LINGO1: variants seen among roughly 807,000 people sequenced by gnomAD.
LINGO1 encodes leucine-rich repeat and immunoglobulin-like domain-containing nogo receptor-interacting protein 1.
In LINGO1, 11 loss-of-function variants were observed where a neutral mutation model predicts 37.3. The observed-to-expected ratio is 0.29, with a 90% CI of 0.19 to 0.49. The LOEUF (loss-of-function observed/expected upper bound fraction) is 0.49. LINGO1 is among the 20% of genes least tolerant of loss of function. The pLI is 0.99. For missense variants in LINGO1, 585 were observed against 878.2 expected, an observed-to-expected ratio of 0.67 and a Z score of 4.22; for synonymous variants, 387 against 403.0, an observed-to-expected ratio of 0.96 and a Z score of 0.48.
chr15:77,635,074 G>A (rs1160128716), upstream of LINGO1, among the ~76,000 whole-genome samples: 3 of 152,192 alleles, frequency 2.0e-5, no homozygotes, highest in East Asian at 5.8e-4. Flanking sequence ...AGGTGCTACC[G>A]GAGGAAGCTG....
At chr15:77,641,814 A>G in intron 3 of LINGO1, 1 of 455,244 alleles carries the variant, frequency 2.2e-6, no homozygotes. Context: ...TAGCAGCTGG[A>G]CAAACCTGCG....
At chr15:77,646,069 G>GTC (rs1238164456) in intron 3 of LINGO1, among the ~76,000 whole-genome samples, 28 of 152,254 alleles carry the variant, frequency 1.8e-4, no homozygotes, top group African/African-American at 6.8e-4. Context: ...ATAAAAGGGT[G>GTC]GTTGAAGGGG....
chr15:77,660,102 C>T (rs995457541), intron 3 of LINGO1: 1 of 152,248 alleles, frequency 6.6e-6, no homozygotes, highest in Non-Finnish European at 1.5e-5. Context: ...CTTCTCCTCT[C>T]TGAGCCTCGA....
intron 1 of LINGO1, among the ~76,000 whole-genome samples, chr15:77,779,365 T>C (rs141676304): frequency 0.012 from 1,868 of 152,280 alleles, 39 homozygotes; most frequent in African/African-American, 0.043. Flanking sequence ...TTTGGGATGA[T>C]TCAAGTGCAT....
upstream of LINGO1, among the ~76,000 whole-genome samples, chr15:77,634,097 C>G (rs532073332): frequency 7.3e-4 from 111 of 152,316 alleles, no homozygotes; most frequent in African/African-American, 2.4e-3. Context: ...AGCCCAAAGC[C>G]TCTCGGATTC....
intron 1 of LINGO1, among the ~76,000 whole-genome samples, chr15:77,627,774 T>G (rs971155143): frequency 6.6e-6 from 1 of 152,168 alleles, no homozygotes; most frequent in Non-Finnish European, 1.5e-5. Context: ...TGCAGGGACT[T>G]AAGCCCTTCT....
intron 1 of LINGO1, among the ~76,000 whole-genome samples, chr15:77,782,799 C>A (rs956569298): frequency 5.9e-5 from 9 of 152,084 alleles, no homozygotes; most frequent in Non-Finnish European, 4.4e-5. Context: ...AGGGTCCCTG[C>A]TCTCCCTGCC....
intron 1 of LINGO1, among the ~76,000 whole-genome samples, chr15:77,692,872 C>G (rs938531482): frequency 6.6e-6 from 1 of 152,250 alleles, no homozygotes; most frequent in Non-Finnish European, 1.5e-5. Context: ...CCCCATTCCA[C>G]AGGTGGAGCA....
intron 2 of LINGO1, among the ~76,000 whole-genome samples, chr15:77,792,185 C>G (rs1488333688): frequency 6.6e-6 from 1 of 152,240 alleles, no homozygotes; most frequent in African/African-American, 2.4e-5. Context: ...TGTTCCTCGG[C>G]TCGGGCCAAG....
At chr15:77,649,531 AG>A (rs1292851304) in intron 3 of LINGO1, among the ~76,000 whole-genome samples, 1 of 152,196 alleles carries the variant, frequency 6.6e-6, no homozygotes, top group Admixed American at 6.5e-5. Context: ...GCAAAGATTC[AG>A]GGGTACCACA....
intron 3 of LINGO1, among the ~76,000 whole-genome samples, chr15:77,669,511 T>C (rs2075210732): frequency 6.6e-6 from 1 of 152,170 alleles, no homozygotes; most frequent in South Asian, 2.1e-4. Context: ...ACATCCTGGC[T>C]GGGCCCTGGA....
chr15:77,764,407 T>A (rs919898547), intron 1 of LINGO1, among the ~76,000 whole-genome samples: 1 of 152,180 alleles, frequency 6.6e-6, no homozygotes, highest in Non-Finnish European at 1.5e-5. Context: ...AAGCCACAGA[T>A]GGACCAGAAG....
intron 3 of LINGO1, among the ~76,000 whole-genome samples, chr15:77,644,038 G>A (rs1000852481): frequency 2.2e-4 from 33 of 152,242 alleles, no homozygotes; most frequent in Admixed American, 2.0e-3. Context: ...GGCAGGGCCC[G>A]GCACTCAGGA....
intron 3 of LINGO1, among the ~76,000 whole-genome samples, chr15:77,664,161 G>C (rs2075063660): frequency 7.0e-6 from 1 of 143,212 alleles, no homozygotes; most frequent in African/African-American, 2.8e-5. Flanking sequence ...GTGTGTGTGT[G>C]TGTGTGTGTG....
chr15:77,614,621 C>G lies in LINGO1; in HGVS notation c.1286G>C (p.Arg429Pro). ...GTCCACAAACACCTGCTGGGCCTTG[C>G]GGTCCCGGATGCGGGCGCGGCGGCA... is the stretch of plus-strand genomic sequence containing the variant. Reference protein sequence around the residue: ...FTCRRARIRDRKAQQVFVDEG... With the variant: ...FTCRRARIRDPKAQQVFVDEG... The change falls in exon 2 of 2, where the codon CGC becomes CCC. Residue 429 changes from arginine (R) to proline (P), a missense_variant. Coordinates refer to ENST00000355300, the MANE Select transcript of LINGO1 (RefSeq NM_032808.7). 3.1e-6 allele frequency: 5 copies of G among 1,610,712 alleles called. No individual in the cohort carries two copies. Among genetic ancestry groups the G allele is most frequent in the Non-Finnish European group, 4.2e-6 (5 of 1,178,772 alleles).
intron 2 of LINGO1, among the ~76,000 whole-genome samples, chr15:77,702,712 C>A (rs979296540): frequency 6.6e-6 from 1 of 152,134 alleles, no homozygotes; most frequent in African/African-American, 2.4e-5. Context: ...TACCTGACTA[C>A]CTCCAGTCTG....
chr15:77,771,308 G>A (rs1289189206), intron 1 of LINGO1, among the ~76,000 whole-genome samples: 2 of 152,174 alleles, frequency 1.3e-5, no homozygotes, highest in Admixed American at 6.5e-5. Flanking sequence ...AGCAGGACAT[G>A]GCATTATTAA....
intron 1 of LINGO1, among the ~76,000 whole-genome samples, chr15:77,777,053 G>C (rs1228302683): frequency 1.3e-5 from 2 of 152,162 alleles, no homozygotes; most frequent in African/African-American, 4.8e-5. Flanking sequence ...TCCCGTGCCA[G>C]GGCCCACCCT....
At chr15:77,627,027 C>G (rs1292281343) in intron 1 of LINGO1, among the ~76,000 whole-genome samples, 1 of 151,366 alleles carries the variant, frequency 6.6e-6, no homozygotes, top group South Asian at 2.1e-4. Flanking sequence ...CCCCCACCCC[C>G]TCCCAGAGGC....
Sources: gnomAD v4.1 joint callset for allele counts (sites outside exome capture counted in the v4.1 genomes callset) on GRCh38, gnomAD v4.1.1 for gene constraint, MANE v1.5 for transcripts, NCBI Gene and HGNC (gene_info 2026-07-23, HGNC 2026-07-21) for gene names.